Variants in KCTD16 observed in about 807,000 individuals in gnomAD.
KCTD16 encodes potassium channel tetramerization domain containing 16.
Under a neutral mutation model 33.2 loss-of-function variants are expected in KCTD16, and 13 were observed. The observed-to-expected ratio is 0.39, with a 90% CI of 0.25 to 0.62. KCTD16 has a LOEUF of 0.62. Among genes scored for constraint, KCTD16 ranks in the 20% least tolerant of loss-of-function variants. KCTD16 has a pLI of 0.50. For synonymous variants in KCTD16, 197 were observed against 195.3 expected (o/e 1.01, Z -0.07); for missense variants, 441 against 525.1 (o/e 0.84, Z 1.57).
chr5:144,321,808 T>A (rs1752080003), intron 3 of KCTD16, among the ~76,000 whole-genome samples: 1 of 152,184 alleles, frequency 6.6e-6, no homozygotes, highest in African/African-American at 2.4e-5. Context: ...AAATTCAGTT[T>A]CAAGCATGTC....
chr5:144,437,387 G>T (rs542609848), intron 3 of KCTD16, among the ~76,000 whole-genome samples: 1 of 152,084 alleles, frequency 6.6e-6, no homozygotes, highest in African/African-American at 2.4e-5. Context: ...GTGGATTCAG[G>T]ATCCAAAAGC....
intron 3 of KCTD16, chr5:144,383,230 A>T (rs897212452): frequency 6.6e-6 from 1 of 152,180 alleles, no homozygotes; most frequent in African/African-American, 2.4e-5. Flanking sequence ...TGCCCACCTT[A>T]GCTGTAAACT....
intron 3 of KCTD16, among the ~76,000 whole-genome samples, chr5:144,219,804 G>A (rs1187266125): frequency 6.6e-6 from 1 of 151,966 alleles, no homozygotes; most frequent in African/African-American, 2.4e-5. Context: ...GATTACAGGC[G>A]TGAAACACCG....
At chr5:144,446,551 C>T (rs1753821263) in intron 3 of KCTD16, among the ~76,000 whole-genome samples, 1 of 152,022 alleles carries the variant, frequency 6.6e-6, no homozygotes, top group Non-Finnish European at 1.5e-5. Flanking sequence ...CCAAAATTGA[C>T]AAATGAGATC....
At chr5:144,460,633 G>T (rs1754173498) in intron 3 of KCTD16, among the ~76,000 whole-genome samples, 1 of 152,116 alleles carries the variant, frequency 6.6e-6, no homozygotes. Flanking sequence ...GTAGAGATGG[G>T]GTTTCACCAT....
At chr5:144,278,107 T>C (rs182825544) in intron 3 of KCTD16, among the ~76,000 whole-genome samples, 19 of 152,238 alleles carry the variant, frequency 1.2e-4, no homozygotes, top group African/African-American at 4.1e-4. Context: ...TAACACAAGG[T>C]CTCAAAAATT....
chr5:144,299,136 A>G (rs1391455280), intron 3 of KCTD16, among the ~76,000 whole-genome samples: 1 of 30,448 alleles, frequency 3.3e-5, no homozygotes, highest in Non-Finnish European at 4.9e-5. Context: ...ATATATATAT[A>G]TATATATATA....
intron 3 of KCTD16, among the ~76,000 whole-genome samples, chr5:144,421,769 T>C (rs1289558792): frequency 6.6e-6 from 1 of 152,066 alleles, no homozygotes; most frequent in Non-Finnish European, 1.5e-5. Flanking sequence ...AGATGAGGAA[T>C]GTGAATAGGC....
chr5:144,353,897 C>T (rs29903), intron 3 of KCTD16, among the ~76,000 whole-genome samples: 51,200 of 151,758 alleles, frequency 0.34, 9,364 homozygotes, highest in African/African-American at 0.48. Context: ...GTCACAAAAT[C>T]GATGTTTGCT....
At chr5:144,271,626 C>T (rs142139744) in intron 3 of KCTD16, among the ~76,000 whole-genome samples, 17 of 151,934 alleles carry the variant, frequency 1.1e-4, no homozygotes, top group Admixed American at 5.3e-4. Flanking sequence ...TTCTATTTAA[C>T]GTAATACTTG....
At position 144,388,065 on chromosome 5, in the gene KCTD16, GTTTTTTTTTTT is replaced by G. The variant is rs397999492; in HGVS notation, c.833-85575_833-85565del. Among the ~76,000 whole-genome samples, 411 of 73,656 alleles carry G rather than the reference GTTTTTTTTTTT, an allele frequency of 5.6e-3. 2 individuals are homozygous for G. Among genetic ancestry groups the G allele is most frequent in the African/African-American group, 0.022 (359 of 16,098 alleles). 48.3% of individuals were successfully genotyped at this position (73,656 alleles called of 152,430 possible). A position where few individuals can be genotyped will look rare whatever the true frequency, so the allele number is the denominator to read the frequency against. On this transcript the variant is annotated intron_variant, in intron 3 of 3. Transcript: ENST00000512467. The stretch of plus-strand genomic sequence containing the variant: ...AATCCAGAGTTCAATTTTAGAGCAA[GTTTTTTTTTTT>G]TTTTTTTTTTTTTTTTTTTGAGATG...
At chr5:144,292,376 G>A (rs1008533242) in intron 3 of KCTD16, among the ~76,000 whole-genome samples, 2 of 152,180 alleles carry the variant, frequency 1.3e-5, no homozygotes, top group South Asian at 2.1e-4. Flanking sequence ...TCTGTATAGG[G>A]TGGGGTGAAG....
At chr5:144,298,255 C>T (rs569394184) in intron 3 of KCTD16, among the ~76,000 whole-genome samples, 20 of 152,290 alleles carry the variant, frequency 1.3e-4, no homozygotes, top group Admixed American at 7.2e-4. Flanking sequence ...ACGAGGCTTG[C>T]GACCATCTTG....
chr5:144,315,600 A>G (rs899730904), intron 3 of KCTD16, among the ~76,000 whole-genome samples: 3 of 152,178 alleles, frequency 2.0e-5, no homozygotes, highest in Non-Finnish European at 4.4e-5. Flanking sequence ...TTTCATATGC[A>G]TTAGCATATA....
intron 3 of KCTD16, among the ~76,000 whole-genome samples, chr5:144,406,544 C>T (rs1752812072): frequency 6.6e-6 from 1 of 152,152 alleles, no homozygotes; most frequent in Non-Finnish European, 1.5e-5. Context: ...TGTCAAAAGG[C>T]AAGATTTTCC....
intron 3 of KCTD16, among the ~76,000 whole-genome samples, chr5:144,331,614 T>C (rs890378008): frequency 1.3e-5 from 2 of 152,188 alleles, no homozygotes; most frequent in Non-Finnish European, 2.9e-5. Context: ...CATTTCCCTA[T>C]AGATTTGAAG....
At chr5:144,370,751 C>T (rs1751949623) in intron 3 of KCTD16, among the ~76,000 whole-genome samples, 2 of 152,134 alleles carry the variant, frequency 1.3e-5, no homozygotes, top group Admixed American at 6.6e-5. Flanking sequence ...GGTGAGCTGG[C>T]TAATGACCTG....
At chr5:144,371,597 A>G (rs1561583874) in intron 3 of KCTD16, among the ~76,000 whole-genome samples, 1 of 152,190 alleles carries the variant, frequency 6.6e-6, no homozygotes, top group African/African-American at 2.4e-5. Flanking sequence ...CTGATTCTGT[A>G]TATCACTAAG....
At chr5:144,203,971 G>T (rs1430763631) in intron 2 of KCTD16, among the ~76,000 whole-genome samples, 5 of 152,154 alleles carry the variant, frequency 3.3e-5, no homozygotes, top group African/African-American at 7.2e-5. Context: ...CATCTTGCTT[G>T]GTCCAGCATT....
Sources: gnomAD v4.1 joint callset for allele counts (sites outside exome capture counted in the v4.1 genomes callset) on GRCh38, gnomAD v4.1.1 for gene constraint, MANE v1.5 for transcripts, NCBI Gene and HGNC (gene_info 2026-07-23, HGNC 2026-07-21) for gene names.